IL1RAPL2: variants seen among roughly 807,000 people sequenced by gnomAD.
The protein encoded by IL1RAPL2 is X-linked interleukin-1 receptor accessory protein-like 2.
A neutral mutation model predicts 44.1 loss-of-function variants in IL1RAPL2; 3 were observed. The ratio of observed to expected loss-of-function variants is 0.07; its 90% CI spans 0.03 to 0.18. The LOEUF is 0.18. Among genes scored for constraint, IL1RAPL2 ranks in the 10% least tolerant of loss-of-function variants. The probability of loss-of-function intolerance (pLI) is 1.00; values close to 1 mark genes in which losing one functional copy is unlikely to be tolerated. For synonymous variants in IL1RAPL2, 181 were observed against 178.8 expected (o/e 1.01, Z -0.10); for missense variants, 391 against 496.4 (o/e 0.79, Z 2.02).
chrX:104,955,515 A>T (rs1387744366), intron 2 of IL1RAPL2, among the ~76,000 whole-genome samples: 2 of 106,835 alleles, frequency 1.9e-5, no homozygotes, highest in Non-Finnish European at 3.8e-5. Context: ...ATATATATGT[A>T]TTATACTCCC....
chrX:104,632,613 G>A, intron 1 of IL1RAPL2, among the ~76,000 whole-genome samples: 2 of 107,385 alleles, frequency 1.9e-5, no homozygotes, highest in Middle Eastern at 9.5e-3. Context: ...AATTGTGAAT[G>A]GGAGTTCACT....
intron 2 of IL1RAPL2, among the ~76,000 whole-genome samples, chrX:104,717,460 AAAAG>A (rs1354168644): frequency 1.8e-5 from 2 of 109,155 alleles, no homozygotes; most frequent in East Asian, 5.8e-4. Context: ...AAAAAAAAAA[AAAAG>A]AACATTTTGA....
intron 2 of IL1RAPL2, among the ~76,000 whole-genome samples, chrX:104,698,307 A>T (rs1044769894): frequency 1.8e-5 from 2 of 112,538 alleles, no homozygotes; most frequent in Non-Finnish European, 3.8e-5. Flanking sequence ...AACTGTACTC[A>T]AAGGCAACAG....
chrX:105,701,300 T>C (rs767355579), intron 6 of IL1RAPL2, among the ~76,000 whole-genome samples: 1 of 111,325 alleles, frequency 9.0e-6, no homozygotes, highest in Non-Finnish European at 1.9e-5. Flanking sequence ...TGATCTATAA[T>C]GCACAAATAC....
intron 5 of IL1RAPL2, among the ~76,000 whole-genome samples, chrX:105,473,895 A>C (rs760397143): frequency 8.9e-6 from 1 of 112,151 alleles, no homozygotes; most frequent in South Asian, 3.7e-4. Flanking sequence ...CCGCAATGTC[A>C]TATTCTGCTT....
intron 2 of IL1RAPL2, among the ~76,000 whole-genome samples, chrX:105,178,055 T>C (rs975466718): frequency 8.9e-6 from 1 of 111,960 alleles, no homozygotes; most frequent in African/African-American, 3.3e-5. Flanking sequence ...CACCTTATTC[T>C]GCTATGAAAA....
intron 5 of IL1RAPL2, among the ~76,000 whole-genome samples, chrX:105,326,794 G>A (rs954381587): frequency 1.1e-4 from 12 of 110,690 alleles, no homozygotes; most frequent in Non-Finnish European, 2.3e-4. Context: ...AGTACTTTTT[G>A]AACTTGGCAA....
At chrX:105,562,528 CACACACACACACACACACACAT>C (rs1320848895) in intron 6 of IL1RAPL2, among the ~76,000 whole-genome samples, 6 of 106,410 alleles carry the variant, frequency 5.6e-5, no homozygotes, top group African/African-American at 1.0e-4. Flanking sequence ...CACACACACA[CACACACACACACACACACACAT>C]ACACACACCA....
intron 2 of IL1RAPL2, among the ~76,000 whole-genome samples, chrX:104,765,081 A>T (rs772500681): frequency 8.9e-6 from 1 of 112,118 alleles, no homozygotes; most frequent in Non-Finnish European, 1.9e-5. Context: ...ATTTGGAAGT[A>T]TTCCCTCTTC....
At chrX:105,324,773 G>A (rs999190635) in intron 5 of IL1RAPL2, among the ~76,000 whole-genome samples, 1 of 111,546 alleles carries the variant, frequency 9.0e-6, no homozygotes, top group Non-Finnish European at 1.9e-5. Flanking sequence ...TTTTTATTTT[G>A]TTTTCACCAG....
intron 2 of IL1RAPL2, among the ~76,000 whole-genome samples, chrX:104,700,323 G>T (rs186087915): frequency 1.8e-5 from 2 of 111,527 alleles, no homozygotes; most frequent in East Asian, 5.7e-4. Flanking sequence ...CCTGAATATC[G>T]GGATAGGTGA....
rs868949858 is a variant in IL1RAPL2, at chrX:105,243,547, G to A, written c.543+9543G>A. Among the ~76,000 whole-genome samples the A allele has an allele frequency of 3.8e-4, 26 of 68,933 alleles. No homozygotes were observed. The African/African-American group carries it at 9.7e-3, about 26-fold the overall frequency. 59.9% of individuals were successfully genotyped at this position (68,933 alleles called of 115,157 possible). On this transcript the variant is annotated intron_variant, in intron 4 of 10. Coordinates refer to ENST00000372582, the MANE Select transcript of IL1RAPL2 (RefSeq NM_017416.2). The stretch of plus-strand genomic sequence containing the variant: ...ATGGAGATTTCATATATATATGTGT[G>A]TATATATATATATATGTGTGTATAT...
chrX:104,827,798 T>G (rs2147627130), intron 2 of IL1RAPL2, among the ~76,000 whole-genome samples: 1 of 111,911 alleles, frequency 8.9e-6, no homozygotes, highest in Admixed American at 9.5e-5. Flanking sequence ...ACATAGTCCC[T>G]TATTTGTTGG....
Position 105,590,362 on chromosome X carries a change from A to AT in IL1RAPL2, c.772+105984dup, listed in dbSNP as rs202145387. Among the ~76,000 whole-genome samples, 945 of 107,540 alleles carry AT rather than the reference A, an allele frequency of 8.8e-3. 7 individuals are homozygous for AT. The highest frequency in any genetic ancestry group is 0.027 in the African/African-American group (816 of 29,703). The allele number at this position is 107,540 out of a possible 115,157, so 93.4% of individuals were successfully genotyped here. On this transcript the variant is annotated intron_variant, in intron 6 of 10. Coordinates refer to ENST00000372582, the MANE Select transcript of IL1RAPL2 (RefSeq NM_017416.2). ...ATTTCCTCTTTTCCTATTTGGATGCATTTTTTTTTGTCTGATTGCTCTAAA... is the reference window on the plus strand; with the variant it reads ...ATTTCCTCTTTTCCTATTTGGATGCATTTTTTTTTTGTCTGATTGCTCTAAA...
chrX:105,519,811 C>G (rs1425738710), intron 6 of IL1RAPL2, among the ~76,000 whole-genome samples: 2 of 111,227 alleles, frequency 1.8e-5, no homozygotes, highest in Admixed American at 9.5e-5. Flanking sequence ...TTAGAGAAGT[C>G]CTATATTAGT....
intron 5 of IL1RAPL2, among the ~76,000 whole-genome samples, chrX:105,441,738 G>A (rs147839520): frequency 2.0e-3 from 221 of 111,735 alleles, no homozygotes; most frequent in African/African-American, 6.9e-3. Flanking sequence ...TGAATGTGCT[G>A]GAAGCTGGAT....
chrX:104,581,109 G>A (rs1039134130), intron 1 of IL1RAPL2, among the ~76,000 whole-genome samples: 1 of 112,416 alleles, frequency 8.9e-6, no homozygotes, highest in African/African-American at 3.2e-5. Flanking sequence ...CCAACAACTT[G>A]CACATGCTCT....
chrX:105,542,053 C>G (rs775996121), intron 6 of IL1RAPL2, among the ~76,000 whole-genome samples: 28 of 111,818 alleles, frequency 2.5e-4, no homozygotes, highest in Non-Finnish European at 4.5e-4. Flanking sequence ...GTTGCCTCCT[C>G]TTGTACTACT....
At chrX:104,638,632 A>T (rs997074327) in intron 1 of IL1RAPL2, among the ~76,000 whole-genome samples, 5 of 111,970 alleles carry the variant, frequency 4.5e-5, no homozygotes, top group African/African-American at 6.5e-5. Context: ...ATTCAGGAGC[A>T]TGTGGTTTAA....
Sources: allele counts gnomAD v4.1 joint callset (sites outside exome capture counted in the v4.1 genomes callset), GRCh38; gene constraint gnomAD v4.1.1; transcripts MANE v1.5; gene names NCBI Gene and HGNC (gene_info 2026-07-23, HGNC 2026-07-21).